Variants in GFOD1 observed in about 807,000 individuals in gnomAD.
GFOD1 encodes the protein glucose-fructose oxidoreductase domain-containing protein 1.
GFOD1 carries 9 observed loss-of-function variants against 25.4 expected under a neutral mutation model. The observed-to-expected ratio is 0.35, with a 90% CI of 0.21 to 0.62. The LOEUF (loss-of-function observed/expected upper bound fraction) is 0.62. Among genes scored for constraint, GFOD1 ranks in the 20% least tolerant of loss-of-function variants. The pLI is 0.72. For synonymous variants in GFOD1, 253 were observed against 245.6 expected (o/e 1.03, Z -0.28); for missense variants, 403 against 556.9 (o/e 0.72, Z 2.78).
rs780460901 is a variant in GFOD1 at position 13,486,879 on chromosome 6, C to T, written c.12G>A (p.Gly4=). The part of the protein sequence containing the change: MLP[G]VGVFGTSLTA... ...TGAGGCTGGTGCCGAACACGCCCACCCCGGGAAGCATGGCTGCTCAGAGCC... is the reference window on the plus strand; with the variant it reads ...TGAGGCTGGTGCCGAACACGCCCACTCCGGGAAGCATGGCTGCTCAGAGCC... Residue 4 remains glycine (G), a synonymous_variant, in exon 1 of 2, where the codon GGG becomes GGA. Transcript: ENST00000379287. The T allele has an allele frequency of 1.9e-6, 3 of 1,610,530 alleles. No homozygotes were observed. The highest frequency in any genetic ancestry group is 2.2e-5 in the East Asian group (1 of 44,876).
intron 1 of GFOD1, among the ~76,000 whole-genome samples, chr6:13,375,428 T>C (rs1256627771): frequency 1.3e-5 from 2 of 152,174 alleles, no homozygotes; most frequent in African/African-American, 4.8e-5. Context: ...GCGGTGGGGA[T>C]GGGAGGCCCG....
At chr6:13,465,196 A>G (rs1346042019) in intron 1 of GFOD1, among the ~76,000 whole-genome samples, 2 of 143,122 alleles carry the variant, frequency 1.4e-5, no homozygotes, top group African/African-American at 5.1e-5. Context: ...TGGGCCACAT[A>G]CAAAATACAA....
intron 1 of GFOD1, among the ~76,000 whole-genome samples, chr6:13,422,297 T>C (rs1266475141): frequency 6.6e-6 from 1 of 152,158 alleles, no homozygotes; most frequent in Non-Finnish European, 1.5e-5. Context: ...ACACATGCTG[T>C]CCGAACGGAT....
chr6:13,409,669 C>A (rs1786034841), intron 1 of GFOD1, among the ~76,000 whole-genome samples: 1 of 152,138 alleles, frequency 6.6e-6, no homozygotes, highest in African/African-American at 2.4e-5. Flanking sequence ...CGCCTGTAAT[C>A]CCAACACTTT....
At chr6:13,485,966 T>G (rs1758855476) in intron 1 of GFOD1, 3 of 944,102 alleles carry the variant, frequency 3.2e-6, no homozygotes, top group Non-Finnish European at 3.8e-6. Flanking sequence ...CTGAAAACAT[T>G]CTAATACATC....
intron 1 of GFOD1, among the ~76,000 whole-genome samples, chr6:13,451,651 G>A (rs1440937675): frequency 2.0e-5 from 3 of 152,186 alleles, no homozygotes; most frequent in African/African-American, 7.2e-5. Context: ...CTTGGCCCCA[G>A]GCAAACAGGA....
chr6:13,417,009 T>C (rs532248291), intron 1 of GFOD1, among the ~76,000 whole-genome samples: 41 of 152,236 alleles, frequency 2.7e-4, no homozygotes, highest in Non-Finnish European at 5.3e-4. Context: ...ATCATTCTTA[T>C]CATATCCCTA....
At chr6:13,402,538 A>G (rs1490102996) in intron 1 of GFOD1, among the ~76,000 whole-genome samples, 1 of 152,228 alleles carries the variant, frequency 6.6e-6, no homozygotes, top group Non-Finnish European at 1.5e-5. Flanking sequence ...ACATTTCTCC[A>G]AAGAGGGCAT....
chr6:13,409,139 AAGAAAGAAAG>A lies in GFOD1; in HGVS notation c.254-43487_254-43478del, dbSNP rs1325775229. On this transcript the variant is annotated intron_variant, in intron 1 of 1. Transcript: ENST00000379287. ...AAAGAAAGAAAGAAAGAAAGAAAGA[AAGAAAGAAAG>A]AGAGGAAAGAAAGAAAGGAAAGAGA... Among the ~76,000 whole-genome samples, 237 of 35,890 alleles carry A rather than the reference AAGAAAGAAAG, an allele frequency of 6.6e-3. 5 individuals carry two copies. The highest frequency in any genetic ancestry group is 0.018 in the East Asian group (14 of 772). 23.5% of individuals were successfully genotyped at this position (35,890 alleles called of 152,430 possible).
intron 1 of GFOD1, chr6:13,469,476 T>C (rs1225170489): frequency 1.0e-6 from 1 of 991,440 alleles, no homozygotes. Flanking sequence ...CCCGTTTCTA[T>C]ACTTTGTCAA....
chr6:13,365,264 C>T lies in GFOD1; in HGVS notation c.652G>A (p.Asp218Asn). 1.2e-6 allele frequency: 2 copies of T among 1,614,184 alleles called. No homozygotes were observed. The highest frequency in any genetic ancestry group is 1.7e-6 in the Non-Finnish European group (2 of 1,180,026). Reference sequence around the variant, plus strand: ...ACCATCTGGAAGGTGCAGAAGTCATCGCTGGTGATCTGTCGGATGCCCTTG... The same window carrying T: ...ACCATCTGGAAGGTGCAGAAGTCATTGCTGGTGATCTGTCGGATGCCCTTG... ...HIKGIRQITSDDFCTFQMVLE... is the reference protein window; with the variant it reads ...HIKGIRQITSNDFCTFQMVLE... The change falls in exon 2 of 2, where the codon GAT becomes AAT. Residue 218 changes from aspartate (D) to asparagine (N), a missense_variant. Asp to Asn is a conservative substitution (Grantham distance 23). Transcript: ENST00000379287. This position sits in a 1 kb window ranked among gnomAD's most constrained non-coding sequence, Gnocchi z 9.2.
chr6:13,450,222 A>G (rs961572254), intron 1 of GFOD1, among the ~76,000 whole-genome samples: 6 of 152,222 alleles, frequency 3.9e-5, no homozygotes, highest in Non-Finnish European at 8.8e-5. Context: ...AGGGGGACGT[A>G]AGTAATCATG....
chr6:13,482,083 A>G (rs914134655), intron 1 of GFOD1, among the ~76,000 whole-genome samples: 3 of 149,676 alleles, frequency 2.0e-5, no homozygotes, highest in African/African-American at 7.3e-5. Flanking sequence ...TGTAAAATAT[A>G]TGTATATATT....
At chr6:13,409,754 T>C (rs1239239358) in intron 1 of GFOD1, among the ~76,000 whole-genome samples, 1 of 152,058 alleles carries the variant, frequency 6.6e-6, no homozygotes, top group Admixed American at 6.6e-5. Context: ...ACCCCGTCTC[T>C]ACTAAAAATA....
chr6:13,375,278 T>C (rs973805102), intron 1 of GFOD1, among the ~76,000 whole-genome samples: 11 of 152,170 alleles, frequency 7.2e-5, no homozygotes, highest in African/African-American at 2.7e-4. Context: ...TTTGCACCCA[T>C]GTCACCCAGA....
Position 13,486,709 on chromosome 6 carries a change from T to G in GFOD1, c.182A>C (p.His61Pro). 6.2e-7 allele frequency: 1 copy of G among 1,614,112 alleles called. No individual in the cohort carries two copies. Among genetic ancestry groups the G allele is most frequent in the Non-Finnish European group, 8.5e-7 (1 of 1,179,990 alleles). ...YTSRIDEVLL[H>P]QDVDLVCINL... The stretch of plus-strand genomic sequence containing the variant: ...AATGCACACCAAGTCCACGTCCTGA[T>G]GCAGCAGCACCTCATCAATGCGGCT... The change falls in exon 1 of 2, where the codon CAT becomes CCT. Residue 61 changes from histidine to proline, a missense_variant. Physicochemically the swap from His to Pro is moderately conservative, Grantham distance 77. Transcript: ENST00000379287.
chr6:13,401,084 C>T (rs886584608), intron 1 of GFOD1, among the ~76,000 whole-genome samples: 4 of 152,072 alleles, frequency 2.6e-5, no homozygotes, highest in East Asian at 1.9e-4. Context: ...AAGTGAGGTG[C>T]GAGAGAGCCG....
At chr6:13,421,493 C>CA (rs953208905) in intron 1 of GFOD1, among the ~76,000 whole-genome samples, 4 of 149,200 alleles carry the variant, frequency 2.7e-5, no homozygotes, top group East Asian at 1.9e-4. Flanking sequence ...GACCCTGTCT[C>CA]AAAAAAAAAG....
At chr6:13,469,700 T>A in intron 1 of GFOD1, 1 of 1,180,514 alleles carries the variant, frequency 8.5e-7, no homozygotes, top group Non-Finnish European at 1.1e-6. Flanking sequence ...GAAAAGCCCT[T>A]TTAGACATAT....
Sources: gnomAD v4.1 joint callset for allele counts (sites outside exome capture counted in the v4.1 genomes callset) on GRCh38, gnomAD v4.1.1 for gene constraint, Gnocchi (gnomAD v3.1) non-coding constraint, MANE v1.5 for transcripts, NCBI Gene and HGNC (gene_info 2026-07-23, HGNC 2026-07-21) for gene names.